The following KLHL22 variants were observed in gnomAD, a reference collection of about 807,000 sequenced individuals.
The protein encoded by KLHL22 is kelch-like protein 22.
A neutral mutation model predicts 60.7 loss-of-function variants in KLHL22; 18 were observed. The observed-to-expected ratio is 0.30, with a 90% CI of 0.20 to 0.44. KLHL22 has a LOEUF of 0.44. KLHL22 is among the 20% of genes least tolerant of loss of function. KLHL22 has a pLI of 1.00. For synonymous variants in KLHL22, 355 were observed against 354.5 expected (o/e 1.00, Z -0.01); for missense variants, 596 against 852.3 (o/e 0.70, Z 3.74).
intron 5 of KLHL22, among the ~76,000 whole-genome samples, chr22:20,449,156 G>T (rs1048117670): frequency 6.6e-6 from 1 of 151,864 alleles, no homozygotes; most frequent in Non-Finnish European, 1.5e-5. Flanking sequence ...TGCCTCCTGG[G>T]TTCACACCAT....
chr22:20,488,444 A>G (rs1369715175), intron 2 of KLHL22: 1 of 162,150 alleles, frequency 6.2e-6, no homozygotes, highest in African/African-American at 2.4e-5. Context: ...TGTGAAAACC[A>G]TGTCAGGTGC....
At chr22:20,478,274 C>G (rs1391475957) in intron 2 of KLHL22, among the ~76,000 whole-genome samples, 1 of 150,424 alleles carries the variant, frequency 6.6e-6, no homozygotes, top group African/African-American at 2.4e-5. Context: ...GGCGCAATCT[C>G]GGCTCACCAC....
chr22:20,470,470 C>T (rs1264620548), intron 3 of KLHL22, among the ~76,000 whole-genome samples: 3 of 152,066 alleles, frequency 2.0e-5, no homozygotes, highest in African/African-American at 7.2e-5. Context: ...ACAAAGCAAG[C>T]CTCTATCTCT....
chr22:20,449,981 G>A (rs559309646), intron 5 of KLHL22: 6 of 562,822 alleles, frequency 1.1e-5, no homozygotes, highest in East Asian at 3.2e-5. Flanking sequence ...GCGACGCTTC[G>A]GCTCCTCCTG....
chr22:20,454,780 A>G (rs1309080611), intron 5 of KLHL22, among the ~76,000 whole-genome samples: 1 of 152,188 alleles, frequency 6.6e-6, no homozygotes, highest in Non-Finnish European at 1.5e-5. Flanking sequence ...CTTCCAATCC[A>G]TGGACTTGGT....
intron 2 of KLHL22, among the ~76,000 whole-genome samples, chr22:20,478,266 C>T (rs1366004126): frequency 1.3e-5 from 2 of 150,002 alleles, no homozygotes; most frequent in East Asian, 2.0e-4. Context: ...AGTGCAATGG[C>T]GCAATCTCGG....
At chr22:20,444,430 A>G (rs900543589) in intron 6 of KLHL22, among the ~76,000 whole-genome samples, 4 of 152,150 alleles carry the variant, frequency 2.6e-5, no homozygotes, top group African/African-American at 9.7e-5. Context: ...TAGAAAACTA[A>G]TGTGCTGGCC....
At position 20,495,026 on chromosome 22, in the gene KLHL22, G is replaced by A. The variant is rs1050839115; in HGVS notation, c.-34+734C>T. On this transcript the variant is annotated intron_variant, in intron 1 of 6. Coordinates refer to ENST00000328879, the MANE Select transcript of KLHL22 (RefSeq NM_032775.4). The surrounding 1 kb of genome is among the most constrained non-coding windows in gnomAD (Gnocchi z 4.6). ...GAGGGAGTGGGTGCTGATTCCCAGCGGGGCAGCCTTCCAAAGGGTGCGCTC... is the reference window on the plus strand; with the variant it reads ...GAGGGAGTGGGTGCTGATTCCCAGCAGGGCAGCCTTCCAAAGGGTGCGCTC... 1.3e-5 allele frequency among the ~76,000 whole-genome samples: 2 copies of A among 152,172 alleles called. No homozygotes were observed. The highest frequency in any genetic ancestry group is 4.8e-5 in the African/African-American group (2 of 41,438).
Position 20,471,606 on chromosome 22 carries a change from G to A in KLHL22, c.228-91C>T, listed in dbSNP as rs2053327954. On this transcript the variant is annotated intron_variant, in intron 2 of 6. Coordinates refer to ENST00000328879, the MANE Select transcript of KLHL22 (RefSeq NM_032775.4). Reference sequence around the variant, plus strand: ...GTGACAGCATTCAGAGAAGAACCTGGCGCTGGTGGCAGGGCCCTGGTAGTG... The same window carrying A: ...GTGACAGCATTCAGAGAAGAACCTGACGCTGGTGGCAGGGCCCTGGTAGTG... 3.6e-6 allele frequency: 5 copies of A among 1,405,380 alleles called. No homozygotes were observed. In the African/African-American group the frequency reaches 5.7e-5, roughly 16 times the overall value. 87.1% of individuals were successfully genotyped at this position (1,405,380 alleles called of 1,614,324 possible). A position where few individuals can be genotyped will look rare whatever the true frequency, so the allele number is the denominator to read the frequency against.
rs554039197 is a variant in KLHL22 at position 20,489,239 on chromosome 22, T to C, written c.-28A>G. 2 of 1,612,538 alleles carry C rather than the reference T, an allele frequency of 1.2e-6. No homozygotes were observed. Among genetic ancestry groups the C allele is most frequent in the African/African-American group, 1.3e-5 (1 of 75,000 alleles). ...TGACAGCCACAAGATCCCTTACAAC[T>C]GTGGCCTGACAGTTGGCAAAACAGG... On this transcript the variant is annotated 5_prime_UTR_variant, in exon 2 of 7. Coordinates refer to ENST00000328879, the MANE Select transcript of KLHL22 (RefSeq NM_032775.4).
intron 2 of KLHL22, among the ~76,000 whole-genome samples, chr22:20,487,108 C>T (rs188356427): frequency 1.8e-4 from 28 of 152,082 alleles, no homozygotes; most frequent in Non-Finnish European, 3.4e-4. Context: ...TTAGCAGAGA[C>T]GGAGTTTCAC....
At chr22:20,480,827 CTTT>C (rs760373717) in intron 2 of KLHL22, among the ~76,000 whole-genome samples, 4 of 121,564 alleles carry the variant, frequency 3.3e-5, no homozygotes, top group Non-Finnish European at 3.4e-5. Context: ...TTACGCCAAA[CTTT>C]TTTTTTTTTT....
chr22:20,477,403 G>GA (rs1001024339), intron 2 of KLHL22, among the ~76,000 whole-genome samples: 13 of 148,944 alleles, frequency 8.7e-5, no homozygotes, highest in South Asian at 2.1e-4. Context: ...AAAAAGAAGG[G>GA]AAAAAAAAAG....
At chr22:20,458,595 C>T (rs115199586) in intron 4 of KLHL22, among the ~76,000 whole-genome samples, 30 of 151,928 alleles carry the variant, frequency 2.0e-4, no homozygotes, top group African/African-American at 7.2e-4. Context: ...AGCCTTGCTC[C>T]CACTCAGGAG....
Position 20,465,308 on chromosome 22 carries a change from T to C in KLHL22, c.662A>G (p.His221Arg), listed in dbSNP as rs753077736. The change falls in exon 4 of 7, where the codon CAT (histidine) becomes CGT (arginine). Residue 221 changes from histidine to arginine, a missense_variant. Coordinates refer to ENST00000328879, the MANE Select transcript of KLHL22 (RefSeq NM_032775.4). This position sits in a 1 kb window ranked among gnomAD's most constrained non-coding sequence, Gnocchi z 4.9. ...TEVYEGALLY[H>R]YSLEQVQADQ... Reference sequence around the variant, plus strand: ...AGCCTGCACCTGCTCCAGGCTATAATGGTAGAGAAGGGCCCCCTCATATAC... The same window carrying C: ...AGCCTGCACCTGCTCCAGGCTATAACGGTAGAGAAGGGCCCCCTCATATAC... The C allele has an allele frequency of 1.2e-6, 2 of 1,614,100 alleles. No individual in the cohort carries two copies. Among genetic ancestry groups the C allele is most frequent in the South Asian group, 1.1e-5 (1 of 91,082 alleles).
chr22:20,493,309 G>C (rs760185390), intron 1 of KLHL22: 14 of 458,990 alleles, frequency 3.1e-5, no homozygotes, highest in Non-Finnish European at 5.9e-5. Context: ...TTAGCTAGGG[G>C]CTAAGGGGGA....
rs1311265505 is a variant in KLHL22 at position 20,441,555 on chromosome 22, T to A, written c.*518A>T. The A allele has an allele frequency of 5.9e-6, 1 of 169,840 alleles. No homozygotes were observed. The highest frequency in any genetic ancestry group is 1.4e-5 in the Non-Finnish European group (1 of 69,534). 10.5% of individuals were successfully genotyped at this position (169,840 alleles called of 1,614,324 possible). On this transcript the variant is annotated 3_prime_UTR_variant, in exon 7 of 7. Coordinates refer to ENST00000328879, the MANE Select transcript of KLHL22 (RefSeq NM_032775.4). ...CCTTCTGTAAGATGCTTTATTTCAT[T>A]GACCAACAACATGGGGTCTGAAAAC...
intron 3 of KLHL22, among the ~76,000 whole-genome samples, chr22:20,467,393 G>A (rs780254450): frequency 9.2e-5 from 14 of 152,188 alleles, no homozygotes; most frequent in Non-Finnish European, 2.1e-4. Context: ...TTGAGGACAT[G>A]CTACATCACT....
intron 2 of KLHL22, chr22:20,483,989 G>T (rs577519654): frequency 1.4e-6 from 1 of 705,250 alleles, no homozygotes; most frequent in East Asian, 2.7e-5. Flanking sequence ...CAGAGCCCTC[G>T]GTGCCTGCAT....
Sources: allele counts gnomAD v4.1 joint callset (sites outside exome capture counted in the v4.1 genomes callset), GRCh38; gene constraint gnomAD v4.1.1; non-coding constraint Gnocchi (gnomAD v3.1); transcripts MANE v1.5; gene names NCBI Gene and HGNC (gene_info 2026-07-23, HGNC 2026-07-21).